Variants in ARHGAP30 observed in about 807,000 individuals in gnomAD.
ARHGAP30 encodes rho GTPase-activating protein 30.
ARHGAP30 carries 23 observed loss-of-function variants against 72.0 expected under a neutral mutation model. The ratio of observed to expected loss-of-function variants is 0.32; its 90% CI spans 0.23 to 0.45. The LOEUF (loss-of-function observed/expected upper bound fraction) is 0.45. Among genes scored for constraint, ARHGAP30 ranks in the 20% least tolerant of loss-of-function variants. ARHGAP30 has a pLI of 1.00. For missense variants in ARHGAP30, 1,319 were observed against 1,383.4 expected (o/e 0.95, Z 0.74); for synonymous variants, 576 against 528.2 (o/e 1.09, Z -1.24).
At position 161,047,011 on chromosome 1, in the gene ARHGAP30, T is replaced by G. The variant is rs17215366; in HGVS notation, c.*704A>C. 0.019 allele frequency: 8,923 copies of G among 469,540 alleles called. 118 individuals are homozygous for G. The highest frequency in any genetic ancestry group is 0.026 in the Non-Finnish European group (5,858 of 226,574). The allele number at this position is 469,540 out of a possible 1,614,324, so 29.1% of individuals were successfully genotyped here. On this transcript the variant is annotated 3_prime_UTR_variant, in exon 12 of 12. Coordinates refer to ENST00000368013, the MANE Select transcript of ARHGAP30 (RefSeq NM_001025598.2). ...TAGAGTGGGACCTGTGGCCCCAGCC[T>G]GGCTGGAGAAGCAGTCCCAGGGCCT...
rs1651147154 is a variant in ARHGAP30 at position 161,049,101 on chromosome 1, A to G, written c.1920T>C (p.Cys640=). The change falls in exon 12 of 12, where the codon TGT becomes TGC. Residue 640 remains cysteine, a synonymous_variant. Transcript: ENST00000368013. ...CACCCTGTCCCAGAGCCTGCCTTCC[A>G]CATCCTGCTGCCTCTCCCTCCAGAC... ...SGSLEGEAAG[C]GRQALGQGGE... is the part of the protein sequence containing the mutation. 9 of 1,613,718 alleles carry G rather than the reference A, an allele frequency of 5.6e-6. No individual in the cohort carries two copies. The highest frequency in any genetic ancestry group is 7.6e-6 in the Non-Finnish European group (9 of 1,179,948).
At chr1:161,066,407 G>T (rs1021962079) in intron 1 of ARHGAP30, among the ~76,000 whole-genome samples, 1 of 151,112 alleles carries the variant, frequency 6.6e-6, no homozygotes, top group Non-Finnish European at 1.5e-5. Flanking sequence ...AGCACTTTGG[G>T]AGGCCGAGGC....
At chr1:161,061,730 A>T (rs1652326637) in intron 1 of ARHGAP30, among the ~76,000 whole-genome samples, 1 of 152,002 alleles carries the variant, frequency 6.6e-6, no homozygotes. Flanking sequence ...TTAAGGACAA[A>T]ATCTAAGTGT....
intron 2 of ARHGAP30, among the ~76,000 whole-genome samples, chr1:161,058,106 G>A (rs1409919112): frequency 2.5e-4 from 38 of 150,666 alleles, no homozygotes; most frequent in Admixed American, 2.5e-3. Context: ...AGCCAAGATC[G>A]CGACACTGCA....
At chr1:161,052,897 ATATAT>A (rs1384000888) in intron 6 of ARHGAP30, 100 bp from the exon 7 acceptor site, 1 of 1,406,178 alleles carries the variant, frequency 7.1e-7, no homozygotes, top group Non-Finnish European at 9.6e-7. Flanking sequence ...CAGGTTAGGG[ATATAT>A]TCAGAAGCCC....
intron 1 of ARHGAP30, among the ~76,000 whole-genome samples, chr1:161,064,791 GAA>G (rs1257482510): frequency 3.5e-5 from 2 of 56,458 alleles, no homozygotes; most frequent in African/African-American, 2.2e-4. Flanking sequence ...AAGAAAGAAA[GAA>G]AGAAAGAAAG....
intron 5 of ARHGAP30, 99 bp from the exon 6 acceptor site, chr1:161,053,484 C>CGAA: frequency 4.9e-6 from 6 of 1,229,508 alleles, no homozygotes; most frequent in Non-Finnish European, 6.7e-6. Flanking sequence ...CTCTCTCTCT[C>CGAA]TCTCTCTCTC....
At position 161,047,963 on chromosome 1, in the gene ARHGAP30, T is replaced by A. The variant is rs1199028995; in HGVS notation, c.3058A>T (p.Thr1020Ser). The change falls in exon 12 of 12, where the codon ACC becomes TCC. Residue 1020 changes from threonine to serine, a missense_variant. Thr to Ser is a moderately conservative substitution (Grantham distance 58). This residue lies in a region of ARHGAP30 where 1,097 missense variants were observed against 1,045.2 expected (regional missense o/e 1.05). Transcript: ENST00000368013. ...TEAQGVRRTQ[T>S]CTEGGDYCLI... ...CAGTAATCCCCACCCTCAGTACAGG[T>A]CTGGGTTCGCCGAACTCCTTGAGCC... 6.2e-7 allele frequency: 1 copy of A among 1,613,800 alleles called. No homozygotes were observed. The highest frequency in any genetic ancestry group is 8.5e-7 in the Non-Finnish European group (1 of 1,179,966).
chr1:161,047,611 G>T lies in ARHGAP30; in HGVS notation c.*104C>A. On this transcript the variant is annotated 3_prime_UTR_variant, in exon 12 of 12. Coordinates refer to ENST00000368013, the MANE Select transcript of ARHGAP30 (RefSeq NM_001025598.2). ...AAGCTGGAGGGCCAAAGCCTATAGA[G>T]TTGGGCACTACAGCTGCTCATGCTG... 2 of 1,291,042 alleles carry T rather than the reference G, an allele frequency of 1.5e-6. No individual in the cohort carries two copies. Among genetic ancestry groups the T allele is most frequent in the Non-Finnish European group, 2.1e-6 (2 of 958,984 alleles). 80.0% of individuals were successfully genotyped at this position (1,291,042 alleles called of 1,614,324 possible). A position where few individuals can be genotyped will look rare whatever the true frequency, so the allele number is the denominator to read the frequency against.
At position 161,065,795 on chromosome 1, in the gene ARHGAP30, G is replaced by A. The variant is rs369766120; in HGVS notation, c.97+3733C>T. Reference sequence around the variant, plus strand: ...TTGGTCAGGCTGGTCTCAAACTCCCGACCTCAGGTGATCCACCCACCTTGG... The same window carrying A: ...TTGGTCAGGCTGGTCTCAAACTCCCAACCTCAGGTGATCCACCCACCTTGG... On this transcript the variant is annotated intron_variant, in intron 1 of 11. Transcript: ENST00000368013. 5.9e-5 allele frequency among the ~76,000 whole-genome samples: 9 copies of A among 151,932 alleles called. No homozygotes were observed. In the South Asian group the frequency reaches 1.2e-3, roughly 21 times the overall value.
Position 161,053,608 on chromosome 1 carries a change from C to T in ARHGAP30, c.537-223G>A, listed in dbSNP as rs3829792. ...TCTAGGAAGGAAGCCTTCTTGGACA[C>T]CCGCCTCAGGATTAATCTCTATTTC... On this transcript the variant is annotated intron_variant, in intron 5 of 11. Transcript: ENST00000368013. 2.3e-3 allele frequency among the ~76,000 whole-genome samples: 343 copies of T among 152,248 alleles called. 11 individuals carry two copies. The East Asian group carries it at 0.054, about 24-fold the overall frequency.
Position 161,048,308 on chromosome 1 carries a change from T to G in ARHGAP30, c.2713A>C (p.Ser905Arg). The G allele has an allele frequency of 6.2e-7, 1 of 1,614,214 alleles. No individual in the cohort carries two copies. The highest frequency in any genetic ancestry group is 8.5e-7 in the Non-Finnish European group (1 of 1,180,024). Residue 905 changes from serine to arginine, a missense_variant, in exon 12 of 12, where the codon AGT (serine) becomes CGT (arginine). By Grantham distance (110) the Ser-to-Arg change is moderately radical. This residue lies in a region of ARHGAP30 where 1,097 missense variants were observed against 1,045.2 expected (regional missense o/e 1.05). Coordinates refer to ENST00000368013, the MANE Select transcript of ARHGAP30 (RefSeq NM_001025598.2). ...PEEMEPEGQP[S>R]PDGCLCPCSL... is the part of the protein sequence containing the mutation. ...CAGGGGCATAGACAGCCGTCTGGAC[T>G]GGGCTGCCCCTCAGGCTCCATCTCC... is the stretch of plus-strand genomic sequence containing the variant.
chr1:161,055,378 A>G (rs1370177281), intron 3 of ARHGAP30, among the ~76,000 whole-genome samples: 2 of 152,124 alleles, frequency 1.3e-5, no homozygotes, highest in Admixed American at 6.6e-5. Context: ...CTGTAGTCCC[A>G]TCTACTCAGG....
rs1334003066 is a variant in ARHGAP30 at position 161,054,370 on chromosome 1, G to A, written c.532C>T (p.Leu178=). 6.2e-7 allele frequency: 1 copy of A among 1,613,490 alleles called. No individual in the cohort carries two copies. The highest frequency in any genetic ancestry group is 1.1e-5 in the South Asian group (1 of 90,970). ...ACTGCTCACACAGGCACCTACCTCA[G>A]CAGGTTGGGAGCCCACACGATGGCC... The part of the protein sequence containing the change: ...NLAIVWAPNL[L]RSKDIEASGF... The change falls in exon 5 of 12, where the codon CTG becomes TTG. Residue 178 remains leucine, a synonymous_variant. Transcript: ENST00000368013.
rs775294757 is a variant in ARHGAP30 at position 161,048,369 on chromosome 1, C to T, written c.2652G>A (p.Glu884=). 6 of 1,614,038 alleles carry T rather than the reference C, an allele frequency of 3.7e-6. No homozygotes were observed. Among genetic ancestry groups the T allele is most frequent in the East Asian group, 4.5e-5 (2 of 44,898 alleles). ...GTGGCTGTGGGGCTACCTCTTCCATCTCAGAAGAGTGAGGATTGCCCTCTT... is the reference window on the plus strand; with the variant it reads ...GTGGCTGTGGGGCTACCTCTTCCATTTCAGAAGAGTGAGGATTGCCCTCTT... ...CAKEGNPHSS[E]MEEVAPQPPQ... The change falls in exon 12 of 12, where the codon GAG becomes GAA. Residue 884 remains glutamate (E), a synonymous_variant. Transcript: ENST00000368013.
rs1274434957 is a variant in ARHGAP30, at chr1:161,056,412, A to G, written c.321T>C (p.Thr107=). The G allele has an allele frequency of 6.2e-7, 1 of 1,613,834 alleles. No homozygotes were observed. The change falls in exon 3 of 12, where the codon ACT becomes ACC. Residue 107 remains threonine (T), a synonymous_variant. Coordinates refer to ENST00000368013, the MANE Select transcript of ARHGAP30 (RefSeq NM_001025598.2). The part of the protein sequence containing the change: ...YFRELPDPLL[T]YRLYDKFAEA... ...CAGCAAACTTGTCATAGAGCCGGTA[A>G]GTGAGCAGGGGATCCGGCAGTTCTC...
chr1:161,049,183 T>C lies in ARHGAP30; in HGVS notation c.1838A>G (p.Tyr613Cys), dbSNP rs2102027774. The C allele has an allele frequency of 1.2e-6, 2 of 1,614,178 alleles. No homozygotes were observed. The highest frequency in any genetic ancestry group is 1.7e-6 in the Non-Finnish European group (2 of 1,180,010). ...TCCCAGAAGGGGACTTAGGTCATCA[T>C]AGGCACTCAGGAAAACTTCCTCCCC... Reference protein sequence around the residue: ...ENGEEVFLSAYDDLSPLLGPK... With the variant: ...ENGEEVFLSACDDLSPLLGPK... The change falls in exon 12 of 12, where the codon TAT becomes TGT. Residue 613 changes from tyrosine to cysteine, a missense_variant. Physicochemically the swap from Tyr to Cys is radical, Grantham distance 194. Around this residue, in one of 2 missense-constraint regions of ARHGAP30, gnomAD observed 1,097 missense variants for 1,045.2 expected, o/e 1.05. Transcript: ENST00000368013.
rs1247056959 is a variant in ARHGAP30 at position 161,052,679 on chromosome 1, A to T, written c.783T>A (p.Asp261Glu). The change falls in exon 7 of 12, where the codon GAT (aspartate) becomes GAA (glutamate). Residue 261 changes from aspartate to glutamate, a missense_variant. By Grantham distance (45) the Asp-to-Glu change is conservative. Coordinates refer to ENST00000368013, the MANE Select transcript of ARHGAP30 (RefSeq NM_001025598.2). ...YHLPSILQAG[D>E]GPPQMRPYHT... ...GGTAGGGCCGCATCTGTGGGGGTCC[A>T]TCGCCAGCCTGCAGTATGCTAGGCA... 1.2e-6 allele frequency: 2 copies of T among 1,613,786 alleles called. No individual in the cohort carries two copies. Among genetic ancestry groups the T allele is most frequent in the Middle Eastern group, 1.7e-4 (1 of 5,888 alleles).
At chr1:161,063,351 C>T (rs1324633343) in intron 1 of ARHGAP30, among the ~76,000 whole-genome samples, 1 of 152,148 alleles carries the variant, frequency 6.6e-6, no homozygotes, top group Non-Finnish European at 1.5e-5. Context: ...TTATTAGTTC[C>T]CCAAATTAAT....
Sources: gnomAD v4.1 joint callset for allele counts (sites outside exome capture counted in the v4.1 genomes callset) on GRCh38, gnomAD v4.1.1 for gene constraint, gnomAD v4.1.1 regional missense constraint, MANE v1.5 for transcripts, NCBI Gene and HGNC (gene_info 2026-07-23, HGNC 2026-07-21) for gene names.